The following DLGAP2 variants were observed in gnomAD, a reference collection of about 807,000 sequenced individuals.
DLGAP2 encodes DLG associated protein 2, also known as disks large-associated protein 2.
DLGAP2 carries 26 observed loss-of-function variants against 100.3 expected under a neutral mutation model. The observed-to-expected ratio is 0.26, with a 90% CI of 0.19 to 0.36. The LOEUF is 0.36. DLGAP2 is among the 10% of genes least tolerant of loss of function. The probability of loss-of-function intolerance (pLI) is 1.00; values close to 1 mark genes in which losing one functional copy is unlikely to be tolerated. For missense variants in DLGAP2, 1,858 were observed against 1,453.2 expected (o/e 1.28, Z -4.53); for synonymous variants, 886 against 630.1 (o/e 1.41, Z -6.08).
At chr8:1,531,553 A>G (rs960402923) in intron 4 of DLGAP2, among the ~76,000 whole-genome samples, 1 of 152,178 alleles carries the variant, frequency 6.6e-6, no homozygotes, top group African/African-American at 2.4e-5. Flanking sequence ...GGAATCTTTT[A>G]AATATTAAGT....
intron 2 of DLGAP2, among the ~76,000 whole-genome samples, chr8:1,199,470 A>C (rs1360232092): frequency 1.3e-5 from 2 of 152,174 alleles, no homozygotes; most frequent in Non-Finnish European, 2.9e-5. Context: ...GGGTAGGAGG[A>C]CACAGTAAAG....
At chr8:1,203,579 C>T (rs931697764) in intron 2 of DLGAP2, among the ~76,000 whole-genome samples, 1 of 152,214 alleles carries the variant, frequency 6.6e-6, no homozygotes, top group African/African-American at 2.4e-5. Flanking sequence ...ATTCTCTACT[C>T]TTCCCTTTAA....
chr8:892,158 ACT>A (rs1205556387), intron 1 of DLGAP2, among the ~76,000 whole-genome samples: 5 of 151,632 alleles, frequency 3.3e-5, no homozygotes, highest in African/African-American at 1.2e-4. Flanking sequence ...TTCATCAAAA[ACT>A]CGAGACGGAA....
At chr8:1,659,259 A>C (rs1798355397) in intron 8 of DLGAP2, among the ~76,000 whole-genome samples, 1 of 151,872 alleles carries the variant, frequency 6.6e-6, no homozygotes, top group South Asian at 2.1e-4. Flanking sequence ...TTTTACTTTT[A>C]ATTATGTGTT....
At chr8:1,093,888 C>CG (rs1375977493) in intron 2 of DLGAP2, among the ~76,000 whole-genome samples, 1 of 152,092 alleles carries the variant, frequency 6.6e-6, no homozygotes, top group Non-Finnish European at 1.5e-5. Flanking sequence ...GGGTGCCAGC[C>CG]GAGGGGTCTG....
chr8:1,510,661 C>G (rs1481896804), intron 4 of DLGAP2, among the ~76,000 whole-genome samples: 1 of 152,180 alleles, frequency 6.6e-6, no homozygotes, highest in Non-Finnish European at 1.5e-5. Flanking sequence ...GGTGAGGAAA[C>G]TGAGGCACAG....
chr8:744,601 C>T (rs7012754), intron 1 of DLGAP2, among the ~76,000 whole-genome samples: 2 of 144,350 alleles, frequency 1.4e-5, no homozygotes, highest in Non-Finnish European at 3.0e-5. Context: ...CACGGTCACT[C>T]CCTGCCTCTT....
chr8:799,613 C>G (rs1796106333), intron 1 of DLGAP2, among the ~76,000 whole-genome samples: 2 of 152,168 alleles, frequency 1.3e-5, no homozygotes, highest in Non-Finnish European at 2.9e-5. Flanking sequence ...TGTGAACTCA[C>G]TTTTAAAGAC....
chr8:1,494,768 C>A (rs1184339507), intron 3 of DLGAP2, among the ~76,000 whole-genome samples: 4 of 152,032 alleles, frequency 2.6e-5, no homozygotes, highest in Non-Finnish European at 1.5e-5. Flanking sequence ...AGGTGCCACT[C>A]AATGCAGCCT....
chr8:831,953 C>T (rs533670085), intron 1 of DLGAP2, among the ~76,000 whole-genome samples: 167 of 152,234 alleles, frequency 1.1e-3, no homozygotes, highest in Admixed American at 2.7e-3. Context: ...ATTTGCAGTT[C>T]TCTAATCAGT....
chr8:1,361,015 G>A (rs113541149), intron 3 of DLGAP2, among the ~76,000 whole-genome samples: 112 of 152,358 alleles, frequency 7.4e-4, no homozygotes, highest in African/African-American at 2.4e-3. Context: ...TTCATCCTGA[G>A]AAGGGGAAGG....
intron 3 of DLGAP2, among the ~76,000 whole-genome samples, chr8:1,310,490 G>T (rs1342059788): frequency 6.6e-6 from 1 of 152,110 alleles, no homozygotes; most frequent in Non-Finnish European, 1.5e-5. Flanking sequence ...ATAAACATGG[G>T]GTTTGGACGG....
intron 3 of DLGAP2, among the ~76,000 whole-genome samples, chr8:1,409,555 G>C (rs13262573): frequency 0.26 from 40,276 of 152,120 alleles, 5,452 homozygotes; most frequent in East Asian, 0.35. Context: ...GCCTGTCACC[G>C]TGTGATGGTG....
intron 2 of DLGAP2, among the ~76,000 whole-genome samples, chr8:1,257,457 G>C (rs942822441): frequency 1.3e-4 from 19 of 150,892 alleles, no homozygotes; most frequent in African/African-American, 4.4e-4. Flanking sequence ...CATCCTTCTG[G>C]GCAGATGCTG....
At chr8:1,261,614 C>T (rs10866921) in intron 3 of DLGAP2, among the ~76,000 whole-genome samples, 82,842 of 145,386 alleles carry the variant, frequency 0.57, 25,564 homozygotes, top group Non-Finnish European at 0.66. Context: ...GCCTGCCCCT[C>T]CTCACTGGGC....
chr8:1,162,870 G>T (rs1796918608), intron 2 of DLGAP2, among the ~76,000 whole-genome samples: 1 of 152,202 alleles, frequency 6.6e-6, no homozygotes, highest in African/African-American at 2.4e-5. Context: ...CCGGCACGGG[G>T]GCACCAGAAG....
chr8:1,695,837 C>T (rs561560195), intron 13 of DLGAP2, among the ~76,000 whole-genome samples: 1 of 152,358 alleles, frequency 6.6e-6, no homozygotes, highest in Admixed American at 6.5e-5. Flanking sequence ...ACGTGGCCTC[C>T]TTGCCAGGCA....
chr8:948,365 T>A (rs913694427), intron 2 of DLGAP2, among the ~76,000 whole-genome samples: 1 of 152,054 alleles, frequency 6.6e-6, no homozygotes, highest in African/African-American at 2.4e-5. Flanking sequence ...AAAGAGGAAG[T>A]AAGACGTGAG....
At chr8:1,597,345 G>T (rs147733840) in intron 6 of DLGAP2, among the ~76,000 whole-genome samples, 2,815 of 151,206 alleles carry the variant, frequency 0.019, 78 homozygotes, top group African/African-American at 0.063. Flanking sequence ...TGGCTATATG[G>T]ACTCTTTTTT....
Sources: gnomAD v4.1 joint callset for allele counts (sites outside exome capture counted in the v4.1 genomes callset) on GRCh38, gnomAD v4.1.1 for gene constraint, MANE v1.5 for transcripts, NCBI Gene and HGNC (gene_info 2026-07-23, HGNC 2026-07-21) for gene names.